Variants in MAF observed in about 807,000 individuals in gnomAD.
The protein encoded by MAF is transcription factor Maf.
A neutral mutation model predicts 22.0 loss-of-function variants in MAF; 10 were observed. That is an observed-to-expected ratio of 0.45 (90% confidence interval 0.28 to 0.77). MAF has a LOEUF of 0.77. MAF is among the 30% of genes least tolerant of loss of function. MAF has a pLI of 0.12. For missense variants in MAF, 544 were observed against 548.4 expected (o/e 0.99, Z 0.08); for synonymous variants, 337 against 255.8 (o/e 1.32, Z -3.03).
At chr16:79,485,601 G>A in the MAF span, among the ~76,000 whole-genome samples, 1 of 152,124 alleles carries the variant, frequency 6.6e-6, no homozygotes, top group African/African-American at 2.4e-5. Flanking sequence ...CTGACAATCT[G>A]AGACAACAAA....
chr16:79,540,194 C>T, the MAF span, among the ~76,000 whole-genome samples: 1 of 151,768 alleles, frequency 6.6e-6, no homozygotes, highest in Admixed American at 6.6e-5. Context: ...GTGGGATTAT[C>T]AGACAGGTTA....
At chr16:79,278,660 G>C in the MAF span, among the ~76,000 whole-genome samples, 1 of 151,964 alleles carries the variant, frequency 6.6e-6, no homozygotes, top group African/African-American at 2.4e-5. Flanking sequence ...CCGGGTTTGG[G>C]GTTTCGTGGG....
chr16:79,358,123 G>C, the MAF span, among the ~76,000 whole-genome samples: 2 of 152,214 alleles, frequency 1.3e-5, no homozygotes, highest in Non-Finnish European at 2.9e-5. Flanking sequence ...CCTGCCCCCA[G>C]AGGAAGGGCA....
the MAF span, among the ~76,000 whole-genome samples, chr16:79,318,414 T>C: frequency 4.6e-5 from 7 of 152,322 alleles, no homozygotes; most frequent in South Asian, 1.0e-3. Flanking sequence ...TGGTGTCCAC[T>C]GTCCCCACCC....
At chr16:79,483,950 T>G in the MAF span, among the ~76,000 whole-genome samples, 1 of 151,994 alleles carries the variant, frequency 6.6e-6, no homozygotes, top group Non-Finnish European at 1.5e-5. Context: ...CCTGGTAGAG[T>G]GGCCAACTTG....
chr16:79,262,166 C>T, the MAF span, among the ~76,000 whole-genome samples: 4,314 of 152,180 alleles, frequency 0.028, 228 homozygotes, highest in African/African-American at 0.099. Flanking sequence ...GTCATTGCCA[C>T]GACAACTGTG....
the MAF span, among the ~76,000 whole-genome samples, chr16:79,565,029 G>C: frequency 1.3e-5 from 2 of 152,192 alleles, no homozygotes; most frequent in Non-Finnish European, 2.9e-5. Flanking sequence ...CAAGAGTCCG[G>C]GCCCTGACAT....
chr16:79,532,824 T>A, the MAF span, among the ~76,000 whole-genome samples: 2 of 152,238 alleles, frequency 1.3e-5, no homozygotes, highest in Non-Finnish European at 2.9e-5. Context: ...AAGGAGCACA[T>A]GGACCTTGTC....
chr16:79,591,281 G>T (rs1913176031), downstream of MAF, among the ~76,000 whole-genome samples: 1 of 152,220 alleles, frequency 6.6e-6, no homozygotes, highest in South Asian at 2.1e-4. Context: ...AGGGGTGAGG[G>T]GCAGGTTGAG....
At chr16:79,569,399 G>A in the MAF span, among the ~76,000 whole-genome samples, 540 of 152,320 alleles carry the variant, frequency 3.5e-3, 1 homozygote, top group Middle Eastern at 0.02. Flanking sequence ...GATGGCAGCT[G>A]CAGAGCTGGG....
the MAF span, among the ~76,000 whole-genome samples, chr16:79,312,878 T>A: frequency 6.6e-6 from 1 of 152,178 alleles, no homozygotes; most frequent in South Asian, 2.1e-4. Context: ...TGGGGAAGGG[T>A]CTGTTTTATG....
intron 1 of MAF, chr16:79,598,283 A>C (rs569019102): frequency 5.6e-6 from 6 of 1,071,220 alleles, no homozygotes; most frequent in African/African-American, 1.6e-5. Context: ...AAATCCAAAC[A>C]AAATAAAACA....
Position 79,599,387 on chromosome 16 carries a change from G to C in MAF, c.516C>G (p.Ala172=), listed in dbSNP as rs1337019228. The C allele has an allele frequency of 1.2e-5, 12 of 1,024,288 alleles. No homozygotes were observed. Among genetic ancestry groups the C allele is most frequent in the Middle Eastern group, 4.7e-4 (1 of 2,108 alleles). The allele number at this position is 1,024,288 out of a possible 1,614,324, so 63.4% of individuals were successfully genotyped here. A position where few individuals can be genotyped will look rare whatever the true frequency, so the allele number is the denominator to read the frequency against. The change falls in exon 1 of 2, where the codon GCC becomes GCG. Residue 172 remains alanine (A), a synonymous_variant. Coordinates refer to ENST00000326043, the MANE Select transcript of MAF (RefSeq NM_005360.5). ...AGTGCGGGCCCGCGCCGCTCTGCGC[G>C]GCGGCCGCGGCGATCACGGCGGACA... ...AVVSAVIAAA[A]AQSGAGPHYH...
chr16:79,510,425 G>A, the MAF span, among the ~76,000 whole-genome samples: 84 of 152,260 alleles, frequency 5.5e-4, no homozygotes, highest in South Asian at 0.014. Context: ...GCAGTCTGGG[G>A]ACTATCACCC....
the MAF span, among the ~76,000 whole-genome samples, chr16:79,416,513 A>AAG: frequency 1.1e-4 from 16 of 151,790 alleles, no homozygotes; most frequent in Non-Finnish European, 1.8e-4. Context: ...AAAAAAAAAA[A>AAG]GATCAGGCAT....
the MAF span, among the ~76,000 whole-genome samples, chr16:79,474,271 T>C: frequency 1.5e-4 from 23 of 152,336 alleles, no homozygotes; most frequent in South Asian, 2.3e-3. Flanking sequence ...TGTATTCGCC[T>C]CTTTGGGGGA....
chr16:79,495,765 T>G, the MAF span, among the ~76,000 whole-genome samples: 2 of 152,180 alleles, frequency 1.3e-5, no homozygotes, highest in African/African-American at 2.4e-5. Flanking sequence ...TGCATGGGAC[T>G]TCTGCAAGGA....
At chr16:79,371,356 AC>A in the MAF span, among the ~76,000 whole-genome samples, 2 of 152,190 alleles carry the variant, frequency 1.3e-5, no homozygotes, top group Non-Finnish European at 2.9e-5. Flanking sequence ...CAAAGGAGTC[AC>A]AGAGCCTCCC....
the MAF span, among the ~76,000 whole-genome samples, chr16:79,384,734 G>A: frequency 1.3e-5 from 2 of 152,118 alleles, no homozygotes; most frequent in Non-Finnish European, 2.9e-5. Flanking sequence ...TCCAGCCTGG[G>A]CAGCAGGGAG....
Sources: gnomAD v4.1 joint callset for allele counts (sites outside exome capture counted in the v4.1 genomes callset) on GRCh38, gnomAD v4.1.1 for gene constraint, MANE v1.5 for transcripts, NCBI Gene and HGNC (gene_info 2026-07-23, HGNC 2026-07-21) for gene names.